Variants in OTOGL observed in about 807,000 individuals in gnomAD.
OTOGL encodes otogelin-like protein.
In OTOGL, 285 loss-of-function variants were observed where a neutral mutation model predicts 318.5. The ratio of observed to expected loss-of-function variants is 0.89; its 90% CI spans 0.81 to 0.99. The LOEUF is 0.99. OTOGL is among the 50% of genes least tolerant of loss of function. The pLI, the probability that OTOGL is intolerant of heterozygous loss-of-function variation, is 0.00. For missense variants in OTOGL, 2,899 were observed against 2,845.6 expected (o/e 1.02, Z -0.43); for synonymous variants, 987 against 936.5 (o/e 1.05, Z -0.99).
At chr12:80,193,892 G>A (rs1397928681) in intron 1 of OTOGL, among the ~76,000 whole-genome samples, 2 of 152,224 alleles carry the variant, frequency 1.3e-5, no homozygotes, top group African/African-American at 4.8e-5. Flanking sequence ...GAAGTCATCT[G>A]ACACATCCGC....
intron 1 of OTOGL, among the ~76,000 whole-genome samples, chr12:80,185,769 A>C (rs1002017919): frequency 6.6e-6 from 1 of 152,240 alleles, no homozygotes; most frequent in Admixed American, 6.5e-5. Flanking sequence ...CATTTTACAC[A>C]TGGGTCCTAT....
chr12:80,219,859 C>A lies in OTOGL; in HGVS notation c.281C>A (p.Thr94Asn). The A allele has an allele frequency of 6.3e-7, 1 of 1,593,392 alleles. No homozygotes were observed. The highest frequency in any genetic ancestry group is 8.5e-7 in the Non-Finnish European group (1 of 1,175,812). ...ECLNGAFCSKTGTCDCQIFQA... is the reference protein window; with the variant it reads ...ECLNGAFCSKNGTCDCQIFQA... ...CTTAATGGAGCTTTCTGTTCTAAGA[C>A]TGGAACATGTGACTGTCAAATATTT... Residue 94 changes from threonine (T) to asparagine (N), a missense_variant, in exon 6 of 59, where the codon ACT becomes AAT. By Grantham distance (65) the Thr-to-Asn change is moderately conservative. This residue lies in a region of OTOGL where 2,607 missense variants were observed against 2,524.9 expected (regional missense o/e 1.03). Coordinates refer to ENST00000547103, the MANE Select transcript of OTOGL (RefSeq NM_001378609.3).
intron 1 of OTOGL, among the ~76,000 whole-genome samples, chr12:80,122,374 C>G (rs1438862585): frequency 6.6e-6 from 1 of 152,068 alleles, no homozygotes; most frequent in Admixed American, 6.6e-5. Context: ...AATAATTGTT[C>G]TTTTTCATTT....
At chr12:80,109,368 G>A (rs1244605153) in intron 1 of OTOGL, among the ~76,000 whole-genome samples, 1 of 151,908 alleles carries the variant, frequency 6.6e-6, no homozygotes, top group Non-Finnish European at 1.5e-5. Flanking sequence ...TTTCATTCGG[G>A]GAGAAATGTG....
chr12:80,234,385 C>T (rs934365317), intron 9 of OTOGL, among the ~76,000 whole-genome samples: 98 of 152,144 alleles, frequency 6.4e-4, no homozygotes, highest in Admixed American at 1.6e-3. Flanking sequence ...ATAATACTTC[C>T]GTTTTATATT....
rs928227674 is a variant in OTOGL, at chr12:80,318,561, C to T, written c.3650C>T (p.Pro1217Leu). 5.2e-6 allele frequency: 7 copies of T among 1,355,908 alleles called. No individual in the cohort carries two copies. In the African/African-American group the frequency reaches 1.1e-4, roughly 21 times the overall value. The allele number at this position is 1,355,908 out of a possible 1,614,324, so 84.0% of individuals were successfully genotyped here. A position where few individuals can be genotyped will look rare whatever the true frequency, so the allele number is the denominator to read the frequency against. Residue 1217 changes from proline (P) to leucine (L), a missense_variant, in exon 33 of 59, where the codon CCA (proline) becomes CTA (leucine). Around this residue, in one of 3 missense-constraint regions of OTOGL, gnomAD observed 2,607 missense variants for 2,524.9 expected, o/e 1.03. Transcript: ENST00000547103. ...EYYNEGLGEG[P>L]YMLASYGQSG... is the part of the protein sequence containing the mutation. ...ATTTAACTAGGACTTGGAGAAGGAC[C>T]ATATATGCTGGCAAGCTATGGGCAG...
chr12:80,368,390 C>CCG lies in OTOGL; in HGVS notation c.6615+82_6615+83insGC, dbSNP rs386377123. 350 of 881,108 alleles carry CCG rather than the reference C, an allele frequency of 4.0e-4. 2 individuals carry two copies. In the Middle Eastern group the frequency reaches 0.013, roughly 33 times the overall value. The allele number at this position is 881,108 out of a possible 1,614,324, so 54.6% of individuals were successfully genotyped here. A position where few individuals can be genotyped will look rare whatever the true frequency, so the allele number is the denominator to read the frequency against. On this transcript the variant is annotated intron_variant, in intron 55 of 58. Coordinates refer to ENST00000547103, the MANE Select transcript of OTOGL (RefSeq NM_001378609.3). Reference sequence around the variant, plus strand: ...GTCAAAGTTTGGAAAATGTCCCCCCCCACACACACTGCACTGCATACAATA... The same window carrying CCG: ...GTCAAAGTTTGGAAAATGTCCCCCCCCGCACACACACTGCACTGCATACAATA...
chr12:80,280,689 T>C (rs1884164549), intron 26 of OTOGL, among the ~76,000 whole-genome samples: 2 of 151,954 alleles, frequency 1.3e-5, no homozygotes, highest in Non-Finnish European at 1.5e-5. Flanking sequence ...TTGGTTGTTG[T>C]AGTCTTGTAG....
At chr12:80,354,797 G>A (rs1020156504) in intron 46 of OTOGL, among the ~76,000 whole-genome samples, 2 of 152,060 alleles carry the variant, frequency 1.3e-5, no homozygotes, top group African/African-American at 4.8e-5. Context: ...CTGGAGGCTG[G>A]GGATATGGTT....
At chr12:80,296,289 C>A (rs1054514542) in intron 26 of OTOGL, among the ~76,000 whole-genome samples, 1 of 152,082 alleles carries the variant, frequency 6.6e-6, no homozygotes, top group East Asian at 1.9e-4. Context: ...GAAATAATAC[C>A]CAATTCAAAA....
At chr12:80,299,890 A>G (rs2137724483) in intron 27 of OTOGL, among the ~76,000 whole-genome samples, 1 of 152,110 alleles carries the variant, frequency 6.6e-6, no homozygotes, top group East Asian at 1.9e-4. Context: ...GCGTATGGCA[A>G]CTCCCTTTGA....
At chr12:80,307,744 A>G (rs1592686622) in intron 29 of OTOGL, among the ~76,000 whole-genome samples, 1 of 123,038 alleles carries the variant, frequency 8.1e-6, no homozygotes, top group African/African-American at 3.1e-5. Flanking sequence ...CGGGGGGCAG[A>G]CCCCGCCACC....
At position 80,252,059 on chromosome 12, in the gene OTOGL, C is replaced by T; in HGVS notation, c.1160-17C>T. The T allele has an allele frequency of 6.6e-7, 1 of 1,515,026 alleles. No homozygotes were observed. Among genetic ancestry groups the T allele is most frequent in the Non-Finnish European group, 8.9e-7 (1 of 1,128,840 alleles). The allele number at this position is 1,515,026 out of a possible 1,614,324, so 93.8% of individuals were successfully genotyped here. A position where few individuals can be genotyped will look rare whatever the true frequency, so the allele number is the denominator to read the frequency against. ...GCTAATAAAATTGACTTAAGCTCCC[C>T]TGTTTGTCTGTTTTAGCTGATAAAT... On this transcript the variant is annotated splice_polypyrimidine_tract_variant and intron_variant, in intron 12 of 58. Transcript: ENST00000547103.
intron 35 of OTOGL, among the ~76,000 whole-genome samples, chr12:80,327,814 C>G (rs1019840371): frequency 3.3e-5 from 5 of 151,178 alleles, no homozygotes; most frequent in Non-Finnish European, 7.4e-5. Context: ...AAAAAATTAG[C>G]CGGGTGTGGT....
At chr12:80,292,631 G>C (rs560477120) in intron 26 of OTOGL, among the ~76,000 whole-genome samples, 1 of 152,178 alleles carries the variant, frequency 6.6e-6, no homozygotes, top group Non-Finnish European at 1.5e-5. Flanking sequence ...AACAATAATT[G>C]TCTGTGCATG....
intron 26 of OTOGL, among the ~76,000 whole-genome samples, chr12:80,281,199 C>G (rs1288018370): frequency 6.6e-6 from 1 of 151,742 alleles, no homozygotes; most frequent in Non-Finnish European, 1.5e-5. Flanking sequence ...TTTCTTTTGC[C>G]TGATTGCTTT....
rs193062254 is a variant in OTOGL, at chr12:80,312,431, G to T, written c.3451-1045G>T. 4.0e-4 allele frequency among the ~76,000 whole-genome samples: 61 copies of T among 152,220 alleles called. No individual in the cohort carries two copies. In the East Asian group the frequency reaches 9.8e-3, roughly 25 times the overall value. On this transcript the variant is annotated intron_variant, in intron 30 of 58. Coordinates refer to ENST00000547103, the MANE Select transcript of OTOGL (RefSeq NM_001378609.3). ...CATGTTATTCATGTAAACATATAGG[G>T]TTTATTGTTATTTTTAAATGTCTCA... is the stretch of plus-strand genomic sequence containing the variant.
intron 1 of OTOGL, among the ~76,000 whole-genome samples, chr12:80,130,567 T>G (rs559880766): frequency 1.3e-5 from 2 of 152,158 alleles, no homozygotes; most frequent in African/African-American, 4.8e-5. Flanking sequence ...GGGACTAGGG[T>G]GAGCAATTTT....
intron 31 of OTOGL, 104 bp downstream of exon 31, chr12:80,313,736 G>A: frequency 1.0e-6 from 1 of 992,320 alleles, no homozygotes; most frequent in Admixed American, 2.9e-5. Flanking sequence ...CATGGGAATA[G>A]AATTAAATTA....
Sources: gnomAD v4.1 joint callset for allele counts (sites outside exome capture counted in the v4.1 genomes callset) on GRCh38, gnomAD v4.1.1 for gene constraint, gnomAD v4.1.1 regional missense constraint, MANE v1.5 for transcripts, NCBI Gene and HGNC (gene_info 2026-07-23, HGNC 2026-07-21) for gene names.